Variants in UNC13C observed in about 807,000 individuals in gnomAD.
UNC13C encodes the protein protein unc-13 homolog C.
UNC13C carries 174 observed loss-of-function variants against 245.4 expected under a neutral mutation model. That is an observed-to-expected ratio of 0.71 (90% CI 0.63 to 0.80). The LOEUF (loss-of-function observed/expected upper bound fraction) is 0.80, where lower values mean the gene tolerates loss of function less well. Among genes scored for constraint, UNC13C ranks in the 30% least tolerant of loss-of-function variants. The probability of loss-of-function intolerance (pLI) is 0.00; values close to 1 mark genes in which losing one functional copy is unlikely to be tolerated. For missense variants in UNC13C, 2,829 were observed against 2,602.9 expected (o/e 1.09, Z -1.89); for synonymous variants, 992 against 895.1 (o/e 1.11, Z -1.93).
At chr15:54,433,664 A>G (rs1267540496) in intron 19 of UNC13C, among the ~76,000 whole-genome samples, 1 of 152,106 alleles carries the variant, frequency 6.6e-6, no homozygotes, top group African/African-American at 2.4e-5. Flanking sequence ...TTCCCTTTGA[A>G]AACTGGCACA....
chr15:54,049,558 G>T, intron 2 of UNC13C: 3 of 272,462 alleles, frequency 1.1e-5, no homozygotes, highest in South Asian at 4.1e-5. Flanking sequence ...GAACCTGTAT[G>T]GTCCTTCTTT....
At chr15:53,983,238 T>A (rs1893996814) in intron 1 of UNC13C, among the ~76,000 whole-genome samples, 1 of 152,024 alleles carries the variant, frequency 6.6e-6, no homozygotes, top group African/African-American at 2.4e-5. Context: ...CTTTTAAAAG[T>A]AAAGAATATG....
intron 2 of UNC13C, among the ~76,000 whole-genome samples, chr15:54,062,831 G>A (rs923918095): frequency 5.3e-5 from 8 of 152,136 alleles, no homozygotes; most frequent in East Asian, 1.9e-4. Context: ...ATAATTGACC[G>A]CTGCAAATAC....
At chr15:54,385,838 T>G (rs1478948323) in intron 17 of UNC13C, among the ~76,000 whole-genome samples, 1 of 152,118 alleles carries the variant, frequency 6.6e-6, no homozygotes, top group Non-Finnish European at 1.5e-5. Context: ...TTGTAAATTA[T>G]TATATATCAA....
intron 19 of UNC13C, among the ~76,000 whole-genome samples, chr15:54,458,834 G>A (rs1596412300): frequency 6.6e-6 from 1 of 151,566 alleles, no homozygotes; most frequent in East Asian, 1.9e-4. Context: ...TACTTGATTG[G>A]TGGGTTTTTA....
intron 13 of UNC13C, among the ~76,000 whole-genome samples, chr15:54,314,593 A>G (rs111723582): frequency 6.6e-6 from 1 of 151,730 alleles, no homozygotes; most frequent in East Asian, 1.9e-4. Context: ...AGAAAAAAAG[A>G]ATTAGAAAAG....
In UNC13C at chr15:54,013,456, A is replaced by G; in HGVS notation, c.553A>G (p.Arg185Gly). 1 of 1,613,858 alleles carries G rather than the reference A, an allele frequency of 6.2e-7. No homozygotes were observed. The highest frequency in any genetic ancestry group is 8.5e-7 in the Non-Finnish European group (1 of 1,179,854). Residue 185 changes from arginine (R) to glycine (G), a missense_variant, in exon 2 of 33, where the codon AGA becomes GGA. Arg to Gly is a moderately radical substitution (Grantham distance 125). Coordinates refer to ENST00000260323, the MANE Select transcript of UNC13C (RefSeq NM_001080534.3). The stretch of plus-strand genomic sequence containing the variant: ...AAAACTGGGAGCTTTACGAAAACTG[A>G]GAAAATGGAAAAAGAGTCAAGAATG... ...GLKLGALRKL[R>G]KWKKSQECVS...
Position 54,132,074 on chromosome 15 carries a change from C to CTTTTTTTTTCTTTTTCTTTTTCTTT in UNC13C, c.2984-10935_2984-10934insCTTTTTCTTTTTCTTTTTTTTTTTT, listed in dbSNP as rs6145565. Reference sequence around the variant, plus strand: ...ATTGCAATTCAGTTTTTTTCTTTTTCTTTTTTTTTTTTGACAGCGTCTTGC... The same window carrying CTTTTTTTTTCTTTTTCTTTTTCTTT: ...ATTGCAATTCAGTTTTTTTCTTTTTCTTTTTTTTTCTTTTTCTTTTTCTTTTTTTTTTTTTTTGACAGCGTCTTGC... On this transcript the variant is annotated intron_variant, in intron 2 of 32. Transcript: ENST00000260323. Among the ~76,000 whole-genome samples, 7 of 110,668 alleles carry CTTTTTTTTTCTTTTTCTTTTTCTTT rather than the reference C, an allele frequency of 6.3e-5. 1 individual carries two copies. The highest frequency in any genetic ancestry group is 1.2e-4 in the Non-Finnish European group (6 of 50,330). 72.6% of individuals were successfully genotyped at this position (110,668 alleles called of 152,430 possible). A position where few individuals can be genotyped will look rare whatever the true frequency, so the allele number is the denominator to read the frequency against.
chr15:54,264,744 A>G (rs1195798583), intron 9 of UNC13C, among the ~76,000 whole-genome samples: 6 of 151,808 alleles, frequency 4.0e-5, no homozygotes, highest in Non-Finnish European at 8.8e-5. Flanking sequence ...GAGAAAAGCG[A>G]TGTTATTTTA....
At chr15:54,234,831 A>C (rs1774665331) in intron 4 of UNC13C, among the ~76,000 whole-genome samples, 199 bp from the exon 5 acceptor site, 1 of 152,212 alleles carries the variant, frequency 6.6e-6, no homozygotes, top group Non-Finnish European at 1.5e-5. Flanking sequence ...ATGAGTCGTC[A>C]GCAAATGTGG....
chr15:54,363,027 T>C (rs115734696), intron 17 of UNC13C, among the ~76,000 whole-genome samples: 2,422 of 152,262 alleles, frequency 0.016, 61 homozygotes, highest in East Asian at 0.092. Context: ...ATCTCAGAGA[T>C]AGGAGAAGGT....
chr15:54,027,734 G>A (rs545507384), intron 2 of UNC13C, among the ~76,000 whole-genome samples: 1 of 151,432 alleles, frequency 6.6e-6, no homozygotes, highest in South Asian at 2.1e-4. Flanking sequence ...AGACAGGGTT[G>A]TCCTCCTTAG....
rs901750075 is a variant in UNC13C at position 54,464,864 on chromosome 15, G to A, written c.4934-29744G>A. On this transcript the variant is annotated intron_variant, in intron 19 of 32. Transcript: ENST00000260323. ...TTTTAAATGATAAATAGTATTCAAA[G>A]GTATTCATGGATTGCTTTTTTTTTT... 5.5e-4 allele frequency among the ~76,000 whole-genome samples: 84 copies of A among 151,400 alleles called. 1 individual carries two copies. Among genetic ancestry groups the A allele is most frequent in the Admixed American group, 2.0e-4 (3 of 15,162 alleles).
At chr15:54,209,093 T>G (rs1401520710) in intron 4 of UNC13C, among the ~76,000 whole-genome samples, 2 of 152,096 alleles carry the variant, frequency 1.3e-5, no homozygotes, top group African/African-American at 4.8e-5. Flanking sequence ...TACAAACTAG[T>G]CTTTTAGGCC....
intron 2 of UNC13C, among the ~76,000 whole-genome samples, chr15:54,108,268 T>C (rs1215724124): frequency 2.6e-5 from 4 of 152,024 alleles, no homozygotes; most frequent in Admixed American, 2.0e-4. Flanking sequence ...CTCGCTGCAA[T>C]CTCCGCCTCC....
chr15:53,873,876 T>C, the UNC13C span, among the ~76,000 whole-genome samples: 1 of 149,920 alleles, frequency 6.7e-6, no homozygotes, highest in Non-Finnish European at 1.5e-5. Flanking sequence ...TCTTTCTTTC[T>C]ATCTCTTCTC....
intron 19 of UNC13C, among the ~76,000 whole-genome samples, chr15:54,417,367 T>C (rs1390186891): frequency 6.6e-6 from 1 of 152,180 alleles, no homozygotes; most frequent in Non-Finnish European, 1.5e-5. Context: ...TGTGTTTCAC[T>C]GTTCTCCCCT....
intron 26 of UNC13C, among the ~76,000 whole-genome samples, chr15:54,545,821 C>T (rs917623306): frequency 2.0e-5 from 3 of 152,106 alleles, no homozygotes; most frequent in South Asian, 2.1e-4. Context: ...CAGGAAATCA[C>T]GGATGCTGGA....
intron 2 of UNC13C, among the ~76,000 whole-genome samples, chr15:54,062,810 C>G (rs1897904096): frequency 6.6e-6 from 1 of 152,182 alleles, no homozygotes; most frequent in Non-Finnish European, 1.5e-5. Context: ...ATTTTGGGAC[C>G]TACTCATGTA....
Sources: allele counts gnomAD v4.1 joint callset (sites outside exome capture counted in the v4.1 genomes callset), GRCh38; gene constraint gnomAD v4.1.1; transcripts MANE v1.5; gene names NCBI Gene and HGNC (gene_info 2026-07-23, HGNC 2026-07-21).